KCNQ3: variants seen among roughly 807,000 people sequenced by gnomAD.
KCNQ3 encodes the protein potassium voltage-gated channel subfamily Q member 3.
KCNQ3 carries 30 observed loss-of-function variants against 92.5 expected under a neutral mutation model. That is an observed-to-expected ratio of 0.32 (90% CI 0.24 to 0.44). The LOEUF is 0.44. Ranked by LOEUF, KCNQ3 falls within the 20% of genes least tolerant of loss-of-function variation. The pLI is 1.00. For missense variants in KCNQ3, 913 were observed against 1,140.3 expected (o/e 0.80, Z 2.87); for synonymous variants, 450 against 468.8 (o/e 0.96, Z 0.52).
chr8:132,131,885 C>T (rs767077315), intron 14 of KCNQ3, among the ~76,000 whole-genome samples: 1 of 151,956 alleles, frequency 6.6e-6, no homozygotes, highest in Non-Finnish European at 1.5e-5. Context: ...GTCAGGAGTT[C>T]GAGACCAGCC....
chr8:132,139,320 G>A (rs1052886967), intron 11 of KCNQ3, among the ~76,000 whole-genome samples: 1 of 152,222 alleles, frequency 6.6e-6, no homozygotes, highest in Admixed American at 6.5e-5. Flanking sequence ...CCAGATAGCT[G>A]TGTTTTCATA....
At chr8:132,252,891 T>C (rs1171295731) in intron 1 of KCNQ3, among the ~76,000 whole-genome samples, 1 of 152,168 alleles carries the variant, frequency 6.6e-6, no homozygotes, top group East Asian at 1.9e-4. Flanking sequence ...CATCACAGCA[T>C]ATAGACATTC....
chr8:132,227,222 C>T (rs546676276), intron 1 of KCNQ3, among the ~76,000 whole-genome samples: 1 of 152,084 alleles, frequency 6.6e-6, no homozygotes, highest in South Asian at 2.1e-4. Flanking sequence ...CCCCAACACC[C>T]AGCTAATTTT....
chr8:132,313,701 T>C (rs992364203), intron 1 of KCNQ3, among the ~76,000 whole-genome samples: 1 of 152,230 alleles, frequency 6.6e-6, no homozygotes, highest in African/African-American at 2.4e-5. Flanking sequence ...ACCTATATTA[T>C]CATTACAGTA....
At chr8:132,362,887 G>A (rs568462068) in intron 1 of KCNQ3, among the ~76,000 whole-genome samples, 1 of 152,280 alleles carries the variant, frequency 6.6e-6, no homozygotes, top group South Asian at 2.1e-4. Flanking sequence ...TGGGGCGAGG[G>A]CGGCGTGGGT....
rs1164773143 is a variant in KCNQ3, at chr8:132,224,081, A to ATTTTTTTTTTTT, written c.387-37912_387-37901dup. 4.0e-3 allele frequency among the ~76,000 whole-genome samples: 158 copies of ATTTTTTTTTTTT among 39,470 alleles called. 19 individuals carry two copies. The highest frequency in any genetic ancestry group is 5.2e-3 in the Non-Finnish European group (102 of 19,694). 25.9% of individuals were successfully genotyped at this position (39,470 alleles called of 152,430 possible). A position where few individuals can be genotyped will look rare whatever the true frequency, so the allele number is the denominator to read the frequency against. On this transcript the variant is annotated intron_variant, in intron 1 of 14. Coordinates refer to ENST00000388996, the MANE Select transcript of KCNQ3 (RefSeq NM_004519.4). The stretch of plus-strand genomic sequence containing the variant: ...CAGACACACACCATCATGCCAGGCT[A>ATTTTTTTTTTTT]TTTTTTTTTTTTTTTTTTTTTTTTT...
At chr8:132,453,856 G>A (rs146130303) in intron 1 of KCNQ3, among the ~76,000 whole-genome samples, 251 of 152,236 alleles carry the variant, frequency 1.6e-3, no homozygotes, top group African/African-American at 5.8e-3. Flanking sequence ...CCAAGCAAGC[G>A]CCTGCCAGAA....
At chr8:132,406,523 G>A (rs1563898761) in intron 1 of KCNQ3, among the ~76,000 whole-genome samples, 1 of 147,962 alleles carries the variant, frequency 6.8e-6, no homozygotes, top group Non-Finnish European at 1.5e-5. Context: ...CAGCACAAAT[G>A]CACACACACA....
chr8:132,405,927 C>A (rs1326998871), intron 1 of KCNQ3, among the ~76,000 whole-genome samples: 2 of 152,158 alleles, frequency 1.3e-5, no homozygotes, highest in Non-Finnish European at 2.9e-5. Context: ...TACTTCCTAA[C>A]AGCCTCCAGG....
At chr8:132,353,224 A>AC (rs1818925011) in intron 1 of KCNQ3, among the ~76,000 whole-genome samples, 2 of 151,724 alleles carry the variant, frequency 1.3e-5, no homozygotes, top group Non-Finnish European at 2.9e-5. Flanking sequence ...GAAACTCCAC[A>AC]GCCCCCGACC....
chr8:132,381,709 T>C (rs960683971), intron 1 of KCNQ3, among the ~76,000 whole-genome samples: 3 of 152,210 alleles, frequency 2.0e-5, no homozygotes, highest in Admixed American at 6.5e-5. Flanking sequence ...GGTGCTGACA[T>C]TCTAGTGATG....
At chr8:132,130,092 T>C in intron 14 of KCNQ3, 96 bp from the exon 15 acceptor site, 1 of 1,403,702 alleles carries the variant, frequency 7.1e-7, no homozygotes, top group Non-Finnish European at 9.7e-7. Flanking sequence ...TTGTTTTTTT[T>C]TTTTTTTTGA....
chr8:132,408,536 C>A (rs1341421250), intron 1 of KCNQ3, among the ~76,000 whole-genome samples: 5 of 152,158 alleles, frequency 3.3e-5, no homozygotes, highest in African/African-American at 1.2e-4. Context: ...CTGTACAGCG[C>A]CCTCCCATGA....
intron 1 of KCNQ3, among the ~76,000 whole-genome samples, chr8:132,235,947 T>C (rs1014981193): frequency 6.6e-6 from 1 of 152,346 alleles, no homozygotes; most frequent in African/African-American, 2.4e-5. Flanking sequence ...TGGCATGTGC[T>C]CTTGGCGGGA....
chr8:132,279,492 T>C (rs977317026), intron 1 of KCNQ3, among the ~76,000 whole-genome samples: 6 of 152,218 alleles, frequency 3.9e-5, no homozygotes, highest in Admixed American at 3.3e-4. Context: ...TGAGAATCTA[T>C]GGACGTGAAG....
chr8:132,165,859 G>T (rs773676506), intron 8 of KCNQ3, among the ~76,000 whole-genome samples: 4 of 152,182 alleles, frequency 2.6e-5, no homozygotes, highest in Non-Finnish European at 4.4e-5. Flanking sequence ...TATGAAAAAT[G>T]GAGTTACCCC....
intron 1 of KCNQ3, among the ~76,000 whole-genome samples, chr8:132,412,675 A>C (rs1820681129): frequency 6.6e-6 from 1 of 152,210 alleles, no homozygotes; most frequent in Admixed American, 6.5e-5. Context: ...GGAGAGAGGC[A>C]TGATGATGGC....
chr8:132,265,949 T>G (rs551760367), intron 1 of KCNQ3, among the ~76,000 whole-genome samples: 13 of 152,196 alleles, frequency 8.5e-5, no homozygotes, highest in Non-Finnish European at 1.6e-4. Context: ...AGTCCCCTGG[T>G]GGCAGGCAAG....
intron 4 of KCNQ3, 136 bp downstream of exon 4, chr8:132,180,021 C>G (rs567024711): frequency 3.0e-6 from 3 of 1,008,286 alleles, no homozygotes; most frequent in East Asian, 2.5e-5. Flanking sequence ...TCTCCTCCTC[C>G]TCTTCCTCTT....
Sources: allele counts gnomAD v4.1 joint callset (sites outside exome capture counted in the v4.1 genomes callset), GRCh38; gene constraint gnomAD v4.1.1; transcripts MANE v1.5; gene names NCBI Gene and HGNC (gene_info 2026-07-23, HGNC 2026-07-21).